AFF2: variants seen among roughly 807,000 people sequenced by gnomAD.
AFF2 encodes ALF transcription elongation factor 2, also known as AF4/FMR2 family member 2.
A neutral mutation model predicts 76.9 loss-of-function variants in AFF2; 14 were observed. The ratio of observed to expected loss-of-function variants is 0.18; its 90% CI spans 0.12 to 0.28. The LOEUF (loss-of-function observed/expected upper bound fraction) is 0.28. Ranked by LOEUF, AFF2 falls within the 10% of genes least tolerant of loss-of-function variation. The pLI is 1.00. For missense variants in AFF2, 868 were observed against 1,001.1 expected (o/e 0.87, Z 1.79); for synonymous variants, 398 against 366.7 (o/e 1.09, Z -0.98).
chrX:148,650,772 G>A (rs1399847582), intron 1 of AFF2, among the ~76,000 whole-genome samples: 1 of 111,788 alleles, frequency 8.9e-6, no homozygotes, highest in Non-Finnish European at 1.9e-5. Context: ...GGTTCTTTGA[G>A]CAAACTAGCC....
chrX:148,823,599 T>A (rs1314771370), intron 4 of AFF2, among the ~76,000 whole-genome samples: 1 of 111,587 alleles, frequency 9.0e-6, no homozygotes, highest in African/African-American at 3.3e-5. Flanking sequence ...TTGCTCTAGG[T>A]TTTTATTCTG....
At chrX:148,805,776 A>AG (rs782756018) in intron 3 of AFF2, among the ~76,000 whole-genome samples, 4 of 112,473 alleles carry the variant, frequency 3.6e-5, no homozygotes, top group African/African-American at 1.3e-4. Flanking sequence ...AGATGCAGAG[A>AG]GGGTAGGCAC....
intron 1 of AFF2, among the ~76,000 whole-genome samples, chrX:148,629,098 AGTTTGT>A (rs1557252644): frequency 9.4e-6 from 1 of 105,899 alleles, no homozygotes; most frequent in African/African-American, 3.7e-5. Context: ...ATATGACAAG[AGTTTGT>A]GTGTGTGTGT....
intron 3 of AFF2, among the ~76,000 whole-genome samples, chrX:148,748,685 G>T (rs906000078): frequency 1.3e-4 from 14 of 111,473 alleles, no homozygotes; most frequent in Admixed American, 1.2e-3. Context: ...TGACTGGGGG[G>T]CTCAGAGAGC....
intron 1 of AFF2, among the ~76,000 whole-genome samples, chrX:148,593,652 G>A (rs887408946): frequency 1.1e-4 from 12 of 112,025 alleles, no homozygotes; most frequent in Non-Finnish European, 1.3e-4. Flanking sequence ...ATCATCTAAC[G>A]TTTCTGTACC....
chrX:148,801,089 G>A (rs1310787866), intron 3 of AFF2, among the ~76,000 whole-genome samples: 1 of 111,773 alleles, frequency 8.9e-6, no homozygotes, highest in African/African-American at 3.3e-5. Flanking sequence ...TATTACAGGA[G>A]TCACTACGGT....
At chrX:148,586,010 A>ATTGATGG (rs1243297106) in intron 1 of AFF2, among the ~76,000 whole-genome samples, 5 of 111,261 alleles carry the variant, frequency 4.5e-5, no homozygotes, top group African/African-American at 1.3e-4. Flanking sequence ...AACTTACTGT[A>ATTGATGG]TGCTTGGCAC....
At chrX:148,986,557 A>G (rs2072474577) in intron 19 of AFF2, among the ~76,000 whole-genome samples, 1 of 113,061 alleles carries the variant, frequency 8.8e-6, no homozygotes, top group Non-Finnish European at 1.9e-5. Flanking sequence ...ATGCAGGTAA[A>G]TAGTCAGCAA....
intron 8 of AFF2, among the ~76,000 whole-genome samples, chrX:148,900,635 T>C (rs1557280787): frequency 9.0e-6 from 1 of 110,739 alleles, no homozygotes; most frequent in African/African-American, 3.3e-5. Context: ...AAAGAGCCCA[T>C]CTGATGGAGT....
intron 3 of AFF2, among the ~76,000 whole-genome samples, chrX:148,668,191 G>A (rs5980568): frequency 0.013 from 1,448 of 113,333 alleles, 13 homozygotes; most frequent in Middle Eastern, 0.037. Flanking sequence ...TCCAGGTCAT[G>A]CTGATGCAAG....
intron 7 of AFF2, among the ~76,000 whole-genome samples, chrX:148,868,394 T>G (rs2070933526): frequency 8.9e-6 from 1 of 111,921 alleles, no homozygotes; most frequent in Admixed American, 9.5e-5. Context: ...TGGCCGAAGT[T>G]ATGCTTTAGA....
chrX:148,668,809 G>A (rs1603272620), intron 3 of AFF2, among the ~76,000 whole-genome samples: 1 of 112,213 alleles, frequency 8.9e-6, no homozygotes, highest in African/African-American at 3.2e-5. Flanking sequence ...GACATGCCCT[G>A]GAGACATTTT....
chrX:148,678,824 G>T (rs1372660516), intron 3 of AFF2, among the ~76,000 whole-genome samples: 13 of 111,965 alleles, frequency 1.2e-4, no homozygotes, highest in Non-Finnish European at 1.9e-5. Flanking sequence ...GTGGGGAAAA[G>T]AAAGGAAATT....
Position 148,956,501 on chromosome X carries a change from T to G in AFF2, c.2456T>G (p.Leu819Arg). Residue 819 changes from leucine to arginine, a missense_variant, in exon 11 of 21, where the codon CTC becomes CGC. Around this residue, in one of 6 missense-constraint regions of AFF2, gnomAD observed 532 missense variants for 564.2 expected, o/e 0.94. Coordinates refer to ENST00000370460, the MANE Select transcript of AFF2 (RefSeq NM_002025.4). The part of the protein sequence containing the change: ...LLSRVPGHSS[L>R]HAAPAKPDHK... The stretch of plus-strand genomic sequence containing the variant: ...TCTAGAGTACCTGGCCACAGCTCAC[T>G]CCATGCAGCACCTGCCAAGCCAGAC... The G allele has an allele frequency of 8.3e-7, 1 of 1,211,911 alleles. No homozygotes were observed. Among genetic ancestry groups the G allele is most frequent in the Non-Finnish European group, 1.1e-6 (1 of 895,525 alleles).
intron 1 of AFF2, among the ~76,000 whole-genome samples, chrX:148,530,109 C>T (rs1223446605): frequency 9.0e-6 from 1 of 111,294 alleles, no homozygotes; most frequent in Non-Finnish European, 1.9e-5. Context: ...AATACCTGTG[C>T]CTACTTCATG....
At chrX:148,787,158 A>G (rs782523913) in intron 3 of AFF2, among the ~76,000 whole-genome samples, 12 of 112,128 alleles carry the variant, frequency 1.1e-4, no homozygotes, top group African/African-American at 3.9e-4. Context: ...TAAGTTTTTA[A>G]CATCTTTCTT....
intron 5 of AFF2, 122 bp downstream of exon 5, chrX:148,837,855 G>GC (rs2070547382): frequency 2.2e-6 from 1 of 462,572 alleles, no homozygotes; most frequent in African/African-American, 2.5e-5. Flanking sequence ...AGACTCTCTT[G>GC]CCCCTCAGAA....
intron 3 of AFF2, among the ~76,000 whole-genome samples, chrX:148,675,356 G>T (rs1370859071): frequency 9.0e-6 from 1 of 111,325 alleles, no homozygotes; most frequent in Non-Finnish European, 1.9e-5. Flanking sequence ...GGGCTGTAAG[G>T]TCCATGCTTC....
intron 3 of AFF2, among the ~76,000 whole-genome samples, chrX:148,718,046 T>C (rs1471148527): frequency 9.1e-6 from 1 of 109,330 alleles, no homozygotes; most frequent in Non-Finnish European, 1.9e-5. Flanking sequence ...TAACATAGAA[T>C]GCATCTTTCA....
Sources: gnomAD v4.1 joint callset for allele counts (sites outside exome capture counted in the v4.1 genomes callset) on GRCh38, gnomAD v4.1.1 for gene constraint, gnomAD v4.1.1 regional missense constraint, MANE v1.5 for transcripts, NCBI Gene and HGNC (gene_info 2026-07-23, HGNC 2026-07-21) for gene names.